HLCS: variants seen among roughly 807,000 people sequenced by gnomAD.
HLCS encodes the protein biotin--protein ligase.
A neutral mutation model predicts 75.0 loss-of-function variants in HLCS; 53 were observed. That is an observed-to-expected ratio of 0.71 (90% confidence interval 0.57 to 0.89). The LOEUF is 0.89. Among genes scored for constraint, HLCS ranks in the 40% least tolerant of loss-of-function variants. The pLI, the probability that HLCS is intolerant of heterozygous loss-of-function variation, is 0.00. For missense variants in HLCS, 966 were observed against 1,074.0 expected (o/e 0.90, Z 1.41); for synonymous variants, 431 against 428.6 (o/e 1.01, Z -0.07).
At chr21:36,885,575 A>G (rs969369601) in intron 6 of HLCS, among the ~76,000 whole-genome samples, 2 of 152,102 alleles carry the variant, frequency 1.3e-5, no homozygotes, top group African/African-American at 4.8e-5. Context: ...TGTTTCATGG[A>G]CGTCCACAGC....
In HLCS at chr21:36,914,317, C is replaced by T. The variant is rs549079226; in HGVS notation, c.1620+15934G>A. 7.2e-5 allele frequency among the ~76,000 whole-genome samples: 11 copies of T among 152,290 alleles called. No homozygotes were observed. The East Asian group carries it at 7.7e-4, about 11-fold the overall frequency. ...GCCTGATCTAGCGATGAGCCCAAAT[C>T]GATTCAGCAACTCCAAAGGACTTAG... is the stretch of plus-strand genomic sequence containing the variant. On this transcript the variant is annotated intron_variant, in intron 5 of 10. Coordinates refer to ENST00000674895, the MANE Select transcript of HLCS (RefSeq NM_001352514.2).
chr21:36,921,094 A>G (rs2066144383), intron 5 of HLCS, among the ~76,000 whole-genome samples: 1 of 152,230 alleles, frequency 6.6e-6, no homozygotes, highest in South Asian at 2.1e-4. Flanking sequence ...GAAGAGAGCA[A>G]CTTACCAAAT....
intron 5 of HLCS, among the ~76,000 whole-genome samples, chr21:36,915,045 TTCCCTTCC>T (rs1482041858): frequency 6.6e-6 from 1 of 152,148 alleles, no homozygotes; most frequent in East Asian, 1.9e-4. Context: ...CATTCACACG[TTCCCTTCC>T]TTCTGATGCT....
At chr21:36,976,214 G>T (rs1311157473) in intron 1 of HLCS, among the ~76,000 whole-genome samples, 2 of 152,118 alleles carry the variant, frequency 1.3e-5, no homozygotes, top group African/African-American at 4.8e-5. Flanking sequence ...TGAACAGGCC[G>T]GGATTGTCCC....
intron 5 of HLCS, among the ~76,000 whole-genome samples, chr21:36,910,799 CCT>C (rs2065671213): frequency 6.6e-6 from 1 of 152,170 alleles, no homozygotes. Context: ...CTAACCAACC[CCT>C]GCCTGACCTG....
At chr21:36,825,541 T>C (rs1326453307) in intron 6 of HLCS, among the ~76,000 whole-genome samples, 1 of 152,198 alleles carries the variant, frequency 6.6e-6, no homozygotes, top group African/African-American at 2.4e-5. Flanking sequence ...ACTTCATTCA[T>C]CTTCCAAGTA....
At chr21:36,812,596 A>G (rs926238593) in intron 6 of HLCS, among the ~76,000 whole-genome samples, 10 of 152,224 alleles carry the variant, frequency 6.6e-5, no homozygotes, top group Non-Finnish European at 1.5e-4. Flanking sequence ...TAAGAAAATT[A>G]TTTCCTCAAA....
At chr21:36,919,042 C>A (rs759346723) in intron 5 of HLCS, among the ~76,000 whole-genome samples, 1 of 152,168 alleles carries the variant, frequency 6.6e-6, no homozygotes, top group Admixed American at 6.5e-5. Flanking sequence ...TGTTTTTAAA[C>A]AGAGCTCGCA....
chr21:36,923,992 G>A (rs370835944), intron 5 of HLCS, among the ~76,000 whole-genome samples: 3 of 152,174 alleles, frequency 2.0e-5, no homozygotes, highest in African/African-American at 4.8e-5. Flanking sequence ...AGCCGGTGCC[G>A]TATTGTAAAA....
At chr21:36,841,498 G>C (rs1237338715) in intron 6 of HLCS, among the ~76,000 whole-genome samples, 1 of 152,212 alleles carries the variant, frequency 6.6e-6, no homozygotes, top group Non-Finnish European at 1.5e-5. Flanking sequence ...GCCACATAAC[G>C]CAACTTTTGT....
In HLCS at chr21:36,925,738, G is replaced by A. The variant is rs73214745; in HGVS notation, c.1620+4513C>T. 9.5e-4 allele frequency among the ~76,000 whole-genome samples: 144 copies of A among 152,322 alleles called. 1 individual carries two copies. The highest frequency in any genetic ancestry group is 1.7e-3 in the Non-Finnish European group (115 of 68,036). On this transcript the variant is annotated intron_variant, in intron 5 of 10. Coordinates refer to ENST00000674895, the MANE Select transcript of HLCS (RefSeq NM_001352514.2). ...TCCCAGTGAGACCCTGCAGAGCGTGGCAGCCTGTGCTTTCTTTCTGCCATT... is the reference window on the plus strand; with the variant it reads ...TCCCAGTGAGACCCTGCAGAGCGTGACAGCCTGTGCTTTCTTTCTGCCATT...
In HLCS at chr21:36,989,314, CTTT is replaced by C. The variant is rs35073331; in HGVS notation, c.-393+841_-393+843del. Among the ~76,000 whole-genome samples the C allele has an allele frequency of 6.6e-3, 530 of 79,996 alleles. 2 individuals are homozygous for C. The highest frequency in any genetic ancestry group is 0.025 in the African/African-American group (485 of 19,334). The allele number at this position is 79,996 out of a possible 152,430, so 52.5% of individuals were successfully genotyped here. On this transcript the variant is annotated intron_variant, in intron 1 of 11. Transcript: ENST00000336648. ...GCGTGAGCCACAGTGTCTGGCCCAT[CTTT>C]TTTTTTTTTTTTTTTTTTTTTAATG... is the stretch of plus-strand genomic sequence containing the variant.
rs529406219 is a variant in HLCS at position 36,822,566 on chromosome 21, T to C, written c.1893-55281A>G. On this transcript the variant is annotated intron_variant, in intron 6 of 10. Transcript: ENST00000674895. ...AATTTTTCATTTACATTATTTTTAA[T>C]GATAGTAATCACGGCTCTTTCATGA... is the stretch of plus-strand genomic sequence containing the variant. Among the ~76,000 whole-genome samples, 32 of 152,360 alleles carry C rather than the reference T, an allele frequency of 2.1e-4. 1 individual carries two copies. Among genetic ancestry groups the C allele is most frequent in the Admixed American group, 9.2e-4 (14 of 15,300 alleles).
chr21:36,937,172 C>T lies in HLCS; in HGVS notation c.714G>A (p.Arg238=). The T allele has an allele frequency of 6.2e-7, 1 of 1,614,140 alleles. No homozygotes were observed. Among genetic ancestry groups the T allele is most frequent in the Non-Finnish European group, 8.5e-7 (1 of 1,180,024 alleles). Residue 238 remains arginine, a synonymous_variant, in exon 4 of 11, where the codon AGG becomes AGA. Coordinates refer to ENST00000674895, the MANE Select transcript of HLCS (RefSeq NM_001352514.2). ...SGSEPAGDSD[R]GGGPVEHYHL... is the part of the protein sequence containing the mutation. ...GATAATGCTCAACGGGGCCCCCTCC[C>T]CTGTCACTGTCCCCAGCAGGCTCAC...
At chr21:36,807,739 G>C (rs189962584) in intron 6 of HLCS, among the ~76,000 whole-genome samples, 3 of 152,272 alleles carry the variant, frequency 2.0e-5, no homozygotes, top group African/African-American at 4.8e-5. Context: ...CCGGCTGGAC[G>C]CATCCAGAGG....
chr21:36,852,962 A>G (rs529812652), intron 6 of HLCS, among the ~76,000 whole-genome samples: 136 of 152,356 alleles, frequency 8.9e-4, no homozygotes, highest in Non-Finnish European at 1.7e-3. Flanking sequence ...AGCACAGAAG[A>G]AGGAGAAGGA....
chr21:36,763,520 A>G (rs552519242), intron 8 of HLCS, among the ~76,000 whole-genome samples: 131 of 152,336 alleles, frequency 8.6e-4, no homozygotes, highest in African/African-American at 2.1e-3. Flanking sequence ...GGAATACCAA[A>G]AATTCATACA....
intron 6 of HLCS, among the ~76,000 whole-genome samples, chr21:36,794,747 A>G (rs185473109): frequency 3.7e-4 from 56 of 152,196 alleles, no homozygotes; most frequent in African/African-American, 1.3e-3. Context: ...GAAGAAAGAG[A>G]TGTGTTCTGC....
At chr21:36,813,544 C>T (rs982388114) in intron 6 of HLCS, among the ~76,000 whole-genome samples, 3 of 152,174 alleles carry the variant, frequency 2.0e-5, no homozygotes, top group African/African-American at 7.2e-5. Context: ...TTACAATGAT[C>T]AAGTAATATG....
Sources: allele counts gnomAD v4.1 joint callset (sites outside exome capture counted in the v4.1 genomes callset), GRCh38; gene constraint gnomAD v4.1.1; transcripts MANE v1.5; gene names NCBI Gene and HGNC (gene_info 2026-07-23, HGNC 2026-07-21).